The following DSCAM variants were observed in gnomAD, a reference collection of about 807,000 sequenced individuals.
The protein encoded by DSCAM is cell adhesion molecule DSCAM.
DSCAM carries 47 observed loss-of-function variants against 217.7 expected under a neutral mutation model. The observed-to-expected ratio is 0.22, with a 90% CI of 0.17 to 0.28. The LOEUF (loss-of-function observed/expected upper bound fraction) is 0.28. DSCAM is among the 10% of genes least tolerant of loss of function. DSCAM has a pLI of 1.00. For synonymous variants in DSCAM, 1,056 were observed against 1,015.3 expected, an observed-to-expected ratio of 1.04 and a Z score of -0.76; for missense variants, 2,080 against 2,618.3, an observed-to-expected ratio of 0.79 and a Z score of 4.49.
chr21:40,362,168 A>G (rs1471677173), intron 4 of DSCAM, among the ~76,000 whole-genome samples: 1 of 152,086 alleles, frequency 6.6e-6, no homozygotes, highest in East Asian at 1.9e-4. Flanking sequence ...AATCCAGTCT[A>G]TCATTGTTGG....
intron 10 of DSCAM, among the ~76,000 whole-genome samples, chr21:40,285,125 C>T (rs2073809134): frequency 6.6e-6 from 1 of 152,122 alleles, no homozygotes; most frequent in Non-Finnish European, 1.5e-5. Context: ...ATGAACTGAA[C>T]ACAATTCAGC....
chr21:40,309,120 C>T (rs530410886), intron 9 of DSCAM, among the ~76,000 whole-genome samples: 1 of 152,226 alleles, frequency 6.6e-6, no homozygotes, highest in South Asian at 2.1e-4. Flanking sequence ...CTGCCCTTGC[C>T]CCATGTCCAT....
At chr21:40,600,878 C>T (rs938994075) in intron 3 of DSCAM, among the ~76,000 whole-genome samples, 1 of 152,118 alleles carries the variant, frequency 6.6e-6, no homozygotes, top group Non-Finnish European at 1.5e-5. Context: ...TTTCTGAGCC[C>T]TCATTCTGTT....
intron 3 of DSCAM, among the ~76,000 whole-genome samples, chr21:40,578,293 G>A (rs775376856): frequency 6.6e-6 from 1 of 152,210 alleles, no homozygotes; most frequent in Non-Finnish European, 1.5e-5. Flanking sequence ...GGTGAAGTCA[G>A]TTGGGCTTCT....
At chr21:40,058,531 G>A (rs1298299211) in intron 28 of DSCAM, among the ~76,000 whole-genome samples, 1 of 152,276 alleles carries the variant, frequency 6.6e-6, no homozygotes, top group East Asian at 1.9e-4. Flanking sequence ...CAAAGTAGGT[G>A]CTCAATAAAT....
chr21:40,512,941 C>T (rs1217758658), intron 3 of DSCAM, among the ~76,000 whole-genome samples: 1 of 152,022 alleles, frequency 6.6e-6, no homozygotes, highest in East Asian at 1.9e-4. Context: ...CTCTTGTTGC[C>T]CAGGCTGGAG....
intron 1 of DSCAM, among the ~76,000 whole-genome samples, chr21:40,813,771 C>T (rs975349285): frequency 7.9e-5 from 12 of 151,610 alleles, no homozygotes; most frequent in Admixed American, 1.3e-4. Flanking sequence ...CTCAGCCTCC[C>T]GAGTAGCTGG....
chr21:40,834,426 AAATAAT>A (rs57612141), intron 1 of DSCAM, among the ~76,000 whole-genome samples: 25,857 of 141,330 alleles, frequency 0.18, 2,476 homozygotes, highest in Admixed American at 0.24. Flanking sequence ...AATAATAATA[AAATAAT>A]AATAATAATA....
chr21:40,809,840 T>C (rs954222752), intron 1 of DSCAM, among the ~76,000 whole-genome samples: 1 of 152,190 alleles, frequency 6.6e-6, no homozygotes, highest in African/African-American at 2.4e-5. Flanking sequence ...AGATGGCCCT[T>C]GCACGTGACT....
At chr21:40,154,340 C>T (rs1481010465) in intron 16 of DSCAM, among the ~76,000 whole-genome samples, 1 of 151,986 alleles carries the variant, frequency 6.6e-6, no homozygotes, top group Non-Finnish European at 1.5e-5. Flanking sequence ...GCAGCCTCAA[C>T]CACCCCAGGC....
At chr21:40,120,503 A>G (rs1272878319) in intron 20 of DSCAM, among the ~76,000 whole-genome samples, 1 of 152,138 alleles carries the variant, frequency 6.6e-6, no homozygotes, top group Non-Finnish European at 1.5e-5. Flanking sequence ...TCTTCCTGGG[A>G]CCTTAAAAGG....
intron 3 of DSCAM, among the ~76,000 whole-genome samples, chr21:40,585,632 G>A (rs1344642767): frequency 1.3e-5 from 2 of 152,114 alleles, no homozygotes; most frequent in Non-Finnish European, 1.5e-5. Flanking sequence ...AGGGTGTTAC[G>A]GTTTGGATAT....
chr21:40,432,004 A>AG (rs2075537804), intron 3 of DSCAM, among the ~76,000 whole-genome samples: 1 of 152,150 alleles, frequency 6.6e-6, no homozygotes, highest in South Asian at 2.1e-4. Flanking sequence ...GTTTGAGACT[A>AG]GCCTGGCCAA....
At chr21:40,631,628 T>A (rs965223190) in intron 3 of DSCAM, among the ~76,000 whole-genome samples, 9 of 152,202 alleles carry the variant, frequency 5.9e-5, no homozygotes, top group African/African-American at 2.2e-4. Context: ...AAATCAGTCA[T>A]GGAAACAATC....
At chr21:40,643,088 G>A (rs755189949) in intron 3 of DSCAM, among the ~76,000 whole-genome samples, 82 of 152,258 alleles carry the variant, frequency 5.4e-4, no homozygotes, top group South Asian at 2.1e-3. Flanking sequence ...GTGGCGGGGT[G>A]GGTAGATGAA....
At chr21:40,498,379 C>A in intron 3 of DSCAM, among the ~76,000 whole-genome samples, 1 of 151,812 alleles carries the variant, frequency 6.6e-6, no homozygotes, top group East Asian at 2.0e-4. Flanking sequence ...CAAAGCAATG[C>A]GTATAAAAAA....
At chr21:40,508,732 C>A (rs1487892188) in intron 3 of DSCAM, among the ~76,000 whole-genome samples, 1 of 75,586 alleles carries the variant, frequency 1.3e-5, no homozygotes, top group African/African-American at 5.1e-5. Flanking sequence ...CCACACCCGG[C>A]AAATATATAT....
chr21:40,202,456 G>C (rs571538981), intron 11 of DSCAM, among the ~76,000 whole-genome samples: 1 of 152,356 alleles, frequency 6.6e-6, no homozygotes, highest in Non-Finnish European at 1.5e-5. Context: ...GTGGCTCCCA[G>C]CCGTTCAGTG....
rs554537716 is a variant in DSCAM at position 40,744,458 on chromosome 21, T to C, written c.44-35687A>G. Among the ~76,000 whole-genome samples the C allele has an allele frequency of 8.2e-4, 35 of 42,928 alleles. No individual in the cohort carries two copies. The East Asian group carries it at 0.011, about 14-fold the overall frequency. The allele number at this position is 42,928 out of a possible 152,430, so 28.2% of individuals were successfully genotyped here. ...TCCCCTGACCTGGAAACAACTGAGT[T>C]TGGAAATTAAGTTCCTTTGGAAATT... is the stretch of plus-strand genomic sequence containing the variant. On this transcript the variant is annotated intron_variant, in intron 1 of 32. Transcript: ENST00000400454.
Sources: allele counts gnomAD v4.1 joint callset (sites outside exome capture counted in the v4.1 genomes callset), GRCh38; gene constraint gnomAD v4.1.1; transcripts MANE v1.5; gene names NCBI Gene and HGNC (gene_info 2026-07-23, HGNC 2026-07-21).